Variants in RBPMS observed in about 807,000 individuals in gnomAD.
RBPMS encodes RNA-binding protein with multiple splicing.
Under a neutral mutation model 26.8 loss-of-function variants are expected in RBPMS, and 7 were observed. The observed-to-expected ratio is 0.26, with a 90% CI of 0.15 to 0.49. The LOEUF (loss-of-function observed/expected upper bound fraction) is 0.49, where lower values mean the gene tolerates loss of function less well. Among genes scored for constraint, RBPMS ranks in the 20% least tolerant of loss-of-function variants. The pLI, the probability that RBPMS is intolerant of heterozygous loss-of-function variation, is 0.98. For synonymous variants in RBPMS, 96 were observed against 93.3 expected (o/e 1.03, Z -0.17); for missense variants, 186 against 250.0 (o/e 0.74, Z 1.73).
intron 6 of RBPMS, among the ~76,000 whole-genome samples, chr8:30,549,809 T>TCTCTCTCTCTCTCCCCTCTCTC (rs1826191976): frequency 1.2e-4 from 11 of 92,608 alleles, no homozygotes; most frequent in African/African-American, 4.4e-4. Context: ...CTCTCTCCTC[T>TCTCTCTCTCTCTCCCCTCTCTC]CTCTCTCTCT....
chr8:30,554,476 A>T (rs2151073966), intron 6 of RBPMS, among the ~76,000 whole-genome samples: 1 of 152,328 alleles, frequency 6.6e-6, no homozygotes, highest in South Asian at 2.1e-4. Context: ...GCCCACACAT[A>T]TCAAGAAACT....
At chr8:30,457,524 A>G (rs13273840) in intron 1 of RBPMS, among the ~76,000 whole-genome samples, 100,871 of 151,632 alleles carry the variant, frequency 0.67, 34,251 homozygotes, top group Middle Eastern at 0.78. Context: ...TATTATGGGT[A>G]ACTTCTCAAA....
chr8:30,544,698 A>G (rs1179941483), intron 6 of RBPMS, 74 bp downstream of exon 6: 1 of 1,605,794 alleles, frequency 6.2e-7, no homozygotes, highest in Middle Eastern at 1.7e-4. Flanking sequence ...CCGAGAGCAC[A>G]CCATACAACT....
At chr8:30,570,163 T>TCTAA (rs1195703660) in intron 8 of RBPMS, among the ~76,000 whole-genome samples, 2 of 151,792 alleles carry the variant, frequency 1.3e-5, no homozygotes, top group African/African-American at 4.9e-5. Flanking sequence ...TTTTCCCAAA[T>TCTAA]CTAACTTGGG....
chr8:30,519,374 A>G (rs1320518355), intron 5 of RBPMS, among the ~76,000 whole-genome samples: 1 of 151,776 alleles, frequency 6.6e-6, no homozygotes, highest in African/African-American at 2.4e-5. Context: ...TGAATTGGTC[A>G]GTCCATATAT....
intron 4 of RBPMS, among the ~76,000 whole-genome samples, chr8:30,498,398 G>T (rs192234116): frequency 6.6e-6 from 1 of 152,218 alleles, no homozygotes; most frequent in East Asian, 1.9e-4. Flanking sequence ...TGAATGGGTC[G>T]ATGAATCAGC....
rs1827779815 is a variant in RBPMS at position 30,564,927 on chromosome 8, C to T, written c.*8-1330C>T. On this transcript the variant is annotated intron_variant, in intron 7 of 8. Coordinates refer to ENST00000397323, the MANE Select transcript of RBPMS (RefSeq NM_001008710.3). ...GGGACATGGAGGAGAGGGAGGGTCC[C>T]AGGATCCCAGTACTTGTATGAGTCG... 3.3e-5 allele frequency: 5 copies of T among 152,142 alleles called. No individual in the cohort carries two copies. In the South Asian group the frequency reaches 1.0e-3, roughly 32 times the overall value. The allele number at this position is 152,142 out of a possible 1,614,324, so 9.4% of individuals were successfully genotyped here. A position where few individuals can be genotyped will look rare whatever the true frequency, so the allele number is the denominator to read the frequency against.
chr8:30,385,314 G>C (rs1255495964), intron 1 of RBPMS, 156 bp downstream of exon 1: 5 of 473,754 alleles, frequency 1.1e-5, no homozygotes, highest in Non-Finnish European at 1.8e-5. Context: ...GGTGGATCTC[G>C]GGAGCGTGTG....
At chr8:30,550,140 G>A (rs1244095643) in intron 6 of RBPMS, among the ~76,000 whole-genome samples, 2 of 152,186 alleles carry the variant, frequency 1.3e-5, no homozygotes, top group African/African-American at 2.4e-5. Context: ...GCCTGGGGGC[G>A]ATTTCTATGC....
chr8:30,497,072 C>G (rs1339510105), intron 4 of RBPMS, among the ~76,000 whole-genome samples: 2 of 152,172 alleles, frequency 1.3e-5, no homozygotes, highest in Non-Finnish European at 2.9e-5. Context: ...TATTTACTTC[C>G]TAGTTTCTGA....
intron 1 of RBPMS, among the ~76,000 whole-genome samples, chr8:30,422,675 G>A (rs1387414259): frequency 5.3e-5 from 8 of 152,100 alleles, no homozygotes; most frequent in Non-Finnish European, 4.4e-5. Context: ...CCAAATGTAC[G>A]TTTCTGAACA....
chr8:30,503,325 A>C (rs1820751653), intron 4 of RBPMS, among the ~76,000 whole-genome samples: 1 of 152,022 alleles, frequency 6.6e-6, no homozygotes, highest in Non-Finnish European at 1.5e-5. Context: ...ATCTTGGCTC[A>C]CTGTACCCTC....
At chr8:30,542,695 A>T (rs1387960497) in intron 5 of RBPMS, among the ~76,000 whole-genome samples, 5 of 152,254 alleles carry the variant, frequency 3.3e-5, no homozygotes, top group Admixed American at 3.3e-4. Flanking sequence ...ATAGTTTGGC[A>T]TTCCTGAGAA....
At chr8:30,568,805 CCTT>C (rs1461269861) in intron 8 of RBPMS, among the ~76,000 whole-genome samples, 9 of 152,064 alleles carry the variant, frequency 5.9e-5, no homozygotes, top group African/African-American at 1.2e-4. Context: ...TAAACCTCCT[CCTT>C]GTTTACAGGG....
At chr8:30,560,398 CCA>C (rs1827358867) in intron 7 of RBPMS, among the ~76,000 whole-genome samples, 2 of 152,056 alleles carry the variant, frequency 1.3e-5, no homozygotes, top group South Asian at 4.2e-4. Context: ...TGTCGGAAGC[CCA>C]CAGACGATTC....
At chr8:30,489,187 C>A (rs1819110418) in intron 4 of RBPMS, among the ~76,000 whole-genome samples, 1 of 152,054 alleles carries the variant, frequency 6.6e-6, no homozygotes, top group Non-Finnish European at 1.5e-5. Flanking sequence ...GCTGGGACCA[C>A]AGACACATGC....
At chr8:30,411,917 C>T (rs1243086504) in intron 1 of RBPMS, among the ~76,000 whole-genome samples, 1 of 147,926 alleles carries the variant, frequency 6.8e-6, no homozygotes, top group Non-Finnish European at 1.5e-5. Flanking sequence ...ACGCAGGAGG[C>T]GGAGGTTGCA....
chr8:30,498,316 A>G (rs1820197134), intron 4 of RBPMS, among the ~76,000 whole-genome samples: 1 of 152,068 alleles, frequency 6.6e-6, no homozygotes, highest in Non-Finnish European at 1.5e-5. Flanking sequence ...TGGGGAGGGG[A>G]GTTGGAATTC....
chr8:30,560,093 G>A (rs894871939), intron 7 of RBPMS, among the ~76,000 whole-genome samples: 8 of 152,172 alleles, frequency 5.3e-5, no homozygotes, highest in South Asian at 2.1e-4. Context: ...CTGAACTCGC[G>A]CAGGTCAGTG....
Sources: allele counts gnomAD v4.1 joint callset (sites outside exome capture counted in the v4.1 genomes callset), GRCh38; gene constraint gnomAD v4.1.1; transcripts MANE v1.5; gene names NCBI Gene and HGNC (gene_info 2026-07-23, HGNC 2026-07-21).